FHIP1A: variants seen among roughly 807,000 people sequenced by gnomAD.
FHIP1A encodes the protein FHF complex subunit HOOK-interacting protein 1A.
In FHIP1A, 61 loss-of-function variants were observed where a neutral mutation model predicts 88.6. The observed-to-expected ratio is 0.69, with a 90% CI of 0.56 to 0.85. The LOEUF is 0.85. Among genes scored for constraint, FHIP1A ranks in the 40% least tolerant of loss-of-function variants. The probability of loss-of-function intolerance (pLI) is 0.00; values close to 1 mark genes in which losing one functional copy is unlikely to be tolerated. For synonymous variants in FHIP1A, 478 were observed against 496.0 expected (o/e 0.96, Z 0.48); for missense variants, 1,154 against 1,273.5 (o/e 0.91, Z 1.43).
intron 3 of FHIP1A, among the ~76,000 whole-genome samples, chr4:151,544,200 CAG>C (rs1309214993): frequency 2.6e-5 from 4 of 152,208 alleles, no homozygotes; most frequent in South Asian, 4.1e-4. Context: ...AAGTGAGACA[CAG>C]AGTAGTGAAG....
chr4:151,536,569 T>A (rs1225979084), intron 3 of FHIP1A, among the ~76,000 whole-genome samples: 1 of 152,200 alleles, frequency 6.6e-6, no homozygotes, highest in African/African-American at 2.4e-5. Context: ...ATGAAACTAT[T>A]TGAGATTGGC....
intron 7 of FHIP1A, among the ~76,000 whole-genome samples, chr4:151,597,999 T>A (rs940939842): frequency 6.6e-6 from 1 of 152,122 alleles, no homozygotes; most frequent in Non-Finnish European, 1.5e-5. Flanking sequence ...GCTAGATCAC[T>A]TGGTTCCCTG....
chr4:151,606,659 T>C (rs1735085259), intron 7 of FHIP1A, among the ~76,000 whole-genome samples: 1 of 152,220 alleles, frequency 6.6e-6, no homozygotes, highest in African/African-American at 2.4e-5. Context: ...TTGTCAACCT[T>C]ATTGACCCAT....
chr4:151,486,506 C>T (rs1730087774), intron 3 of FHIP1A, among the ~76,000 whole-genome samples: 4 of 152,098 alleles, frequency 2.6e-5, no homozygotes, highest in Admixed American at 1.3e-4. Context: ...TATCTATGAT[C>T]TGGATTAAAT....
intron 3 of FHIP1A, among the ~76,000 whole-genome samples, chr4:151,508,429 T>A (rs1730907316): frequency 6.6e-6 from 1 of 152,198 alleles, no homozygotes; most frequent in Admixed American, 6.5e-5. Context: ...GTCTCTTGCC[T>A]TGAGCTGGGA....
intron 2 of FHIP1A, among the ~76,000 whole-genome samples, chr4:151,467,262 AACCACAATGAGAT>A (rs2126609914): frequency 6.6e-6 from 1 of 152,334 alleles, no homozygotes; most frequent in South Asian, 2.1e-4. Flanking sequence ...TGCAAATCAA[AACCACAATGAGAT>A]ACCATCTCGT....
At chr4:151,465,380 A>G (rs2126606738) in intron 2 of FHIP1A, among the ~76,000 whole-genome samples, 1 of 152,330 alleles carries the variant, frequency 6.6e-6, no homozygotes. Context: ...GCAGTAATTA[A>G]TAGCCTACCA....
intron 3 of FHIP1A, among the ~76,000 whole-genome samples, chr4:151,548,899 C>A (rs879513140): frequency 1.1e-4 from 17 of 152,198 alleles, no homozygotes; most frequent in Admixed American, 2.6e-4. Context: ...AGCAAGGCAA[C>A]TTTTACTTTC....
chr4:151,472,793 G>C (rs766914526), intron 2 of FHIP1A, among the ~76,000 whole-genome samples: 1 of 152,122 alleles, frequency 6.6e-6, no homozygotes, highest in Non-Finnish European at 1.5e-5. Context: ...TAGTGTATTT[G>C]TTGGGATTAT....
intron 3 of FHIP1A, among the ~76,000 whole-genome samples, chr4:151,542,841 C>T (rs1237986057): frequency 2.6e-5 from 4 of 152,322 alleles, no homozygotes; most frequent in African/African-American, 4.8e-5. Context: ...GGTTCAGCCA[C>T]TTACCTCAGG....
intron 3 of FHIP1A, among the ~76,000 whole-genome samples, chr4:151,558,832 A>C (rs186417892): frequency 6.6e-6 from 1 of 152,316 alleles, no homozygotes; most frequent in East Asian, 1.9e-4. Flanking sequence ...CAAAAGATTA[A>C]TTTTACAAAT....
rs1390847532 is a variant in FHIP1A at position 151,649,913 on chromosome 4, C to G, written c.1872C>G (p.Ala624=). 1.9e-6 allele frequency: 3 copies of G among 1,551,510 alleles called. No homozygotes were observed. In the Admixed American group the frequency reaches 5.9e-5, roughly 30 times the overall value. ...ACATCCAGGAGATGAAGAAGAATGC[C>G]CTCCTGCTCTTCAAAGGGTCCTACA... ...PKHIQEMKKN[A]LLLFKGSYIE... The change falls in exon 11 of 14, where the codon GCC becomes GCG. Residue 624 remains alanine, a synonymous_variant. Transcript: ENST00000435205.
At chr4:151,531,435 C>T (rs1731873533) in intron 3 of FHIP1A, among the ~76,000 whole-genome samples, 1 of 151,912 alleles carries the variant, frequency 6.6e-6, no homozygotes, top group African/African-American at 2.4e-5. Context: ...TCTAAAACAA[C>T]ACTACTGTGC....
At chr4:151,543,668 T>G (rs1732381135) in intron 3 of FHIP1A, among the ~76,000 whole-genome samples, 1 of 152,214 alleles carries the variant, frequency 6.6e-6, no homozygotes, top group Non-Finnish European at 1.5e-5. Flanking sequence ...GTATATAATT[T>G]TGCATCTTGC....
chr4:151,613,604 A>G (rs1735404782), intron 7 of FHIP1A, among the ~76,000 whole-genome samples: 1 of 152,158 alleles, frequency 6.6e-6, no homozygotes, highest in African/African-American at 2.4e-5. Flanking sequence ...AGCTTTTGTT[A>G]CTCCATCAGT....
At chr4:151,478,572 A>G (rs181085830) in intron 2 of FHIP1A, among the ~76,000 whole-genome samples, 32 of 152,274 alleles carry the variant, frequency 2.1e-4, no homozygotes, top group Admixed American at 8.5e-4. Flanking sequence ...TTCCTGAAGT[A>G]TGTTTCTTGG....
chr4:151,636,642 G>A (rs1385754967), intron 8 of FHIP1A, among the ~76,000 whole-genome samples: 1 of 151,960 alleles, frequency 6.6e-6, no homozygotes, highest in East Asian at 1.9e-4. Context: ...TGCAAAACTT[G>A]TGCTGCAAAA....
At chr4:151,436,891 C>T (rs1365299321) in intron 1 of FHIP1A, among the ~76,000 whole-genome samples, 1 of 152,046 alleles carries the variant, frequency 6.6e-6, no homozygotes, top group Non-Finnish European at 1.5e-5. Flanking sequence ...TGCATATAAC[C>T]TACACATGTC....
At position 151,523,144 on chromosome 4, in the gene FHIP1A, G is replaced by A. The variant is rs565320892; in HGVS notation, c.-123+40496G>A. 3.9e-5 allele frequency among the ~76,000 whole-genome samples: 6 copies of A among 152,342 alleles called. No homozygotes were observed. In the East Asian group the frequency reaches 1.2e-3, roughly 29 times the overall value. On this transcript the variant is annotated intron_variant, in intron 3 of 13. Coordinates refer to ENST00000435205, the MANE Select transcript of FHIP1A (RefSeq NM_001109977.3). ...TGGACCACATGGATCTGGCACATGTGACATAATTGCCTGTGGTTGAGGCGG... is the reference window on the plus strand; with the variant it reads ...TGGACCACATGGATCTGGCACATGTAACATAATTGCCTGTGGTTGAGGCGG...
Sources: gnomAD v4.1 joint callset for allele counts (sites outside exome capture counted in the v4.1 genomes callset) on GRCh38, gnomAD v4.1.1 for gene constraint, MANE v1.5 for transcripts, NCBI Gene and HGNC (gene_info 2026-07-23, HGNC 2026-07-21) for gene names.